Variants in NOMO1 observed in about 807,000 individuals in gnomAD.
NOMO1 encodes the protein NODAL modulator 1.
Under a neutral mutation model 133.8 loss-of-function variants are expected in NOMO1, and 40 were observed. The ratio of observed to expected loss-of-function variants is 0.30; its 90% CI spans 0.23 to 0.39. The LOEUF is 0.39. NOMO1 is among the 10% of genes least tolerant of loss of function. The pLI is 1.00. For synonymous variants in NOMO1, 236 were observed against 570.5 expected, an observed-to-expected ratio of 0.41 and a Z score of 8.36; for missense variants, 462 against 1,419.9, an observed-to-expected ratio of 0.33 and a Z score of 10.84.
intron 12 of NOMO1, 38 bp from the exon 13 acceptor site, chr16:14,864,547 C>A: frequency 6.2e-7 from 1 of 1,612,960 alleles, no homozygotes. Context: ...AAGATCTCCC[C>A]GAATGCAGCC....
chr16:14,887,737 A>G (rs1215958185), intron 28 of NOMO1, among the ~76,000 whole-genome samples: 2 of 152,120 alleles, frequency 1.3e-5, no homozygotes, highest in African/African-American at 4.8e-5. Flanking sequence ...CCTGCTAAGA[A>G]GTCCACTTTT....
chr16:14,877,751 T>C (rs1372619316), intron 22 of NOMO1, among the ~76,000 whole-genome samples: 1 of 147,074 alleles, frequency 6.8e-6, no homozygotes, highest in East Asian at 2.1e-4. Flanking sequence ...ATTAAGACAA[T>C]CTCTATTTTT....
intron 2 of NOMO1, among the ~76,000 whole-genome samples, chr16:14,839,181 A>G (rs1221875001): frequency 1.3e-5 from 2 of 151,624 alleles, no homozygotes; most frequent in African/African-American, 4.9e-5. Flanking sequence ...CAGCCTCCCA[A>G]ATAGCTGGGA....
chr16:14,859,748 AGAC>A (rs1453043087), intron 11 of NOMO1, among the ~76,000 whole-genome samples: 1 of 152,186 alleles, frequency 6.6e-6, no homozygotes, highest in Non-Finnish European at 1.5e-5. Flanking sequence ...TTTTAAAAAA[AGAC>A]AAGACAAATA....
chr16:14,860,218 G>A (rs1353522238), intron 11 of NOMO1, among the ~76,000 whole-genome samples: 5 of 151,954 alleles, frequency 3.3e-5, no homozygotes, highest in Admixed American at 1.3e-4. Flanking sequence ...GATACAAAAG[G>A]TTGGCGGGGC....
chr16:14,854,326 G>C (rs1487901524), intron 9 of NOMO1, among the ~76,000 whole-genome samples: 4 of 136,794 alleles, frequency 2.9e-5, no homozygotes, highest in Non-Finnish European at 6.3e-5. Flanking sequence ...TGTCCCTGTG[G>C]ACCTCATTTT....
chr16:14,858,715 G>A (rs970398417), intron 11 of NOMO1, among the ~76,000 whole-genome samples: 45 of 152,230 alleles, frequency 3.0e-4, no homozygotes, highest in Non-Finnish European at 4.3e-4. Context: ...TGGGGCCAAC[G>A]GGCCATGAGT....
chr16:14,856,821 G>T (rs1963844697), intron 9 of NOMO1, among the ~76,000 whole-genome samples: 1 of 151,920 alleles, frequency 6.6e-6, no homozygotes, highest in African/African-American at 2.4e-5. Flanking sequence ...CTGGAGGAGC[G>T]GGGCGGGGCA....
chr16:14,844,280 C>A (rs1342085163), intron 3 of NOMO1, among the ~76,000 whole-genome samples: 1 of 151,952 alleles, frequency 6.6e-6, no homozygotes, highest in Non-Finnish European at 1.5e-5. Context: ...CTGCCTGTCT[C>A]TTAAGATAAT....
intron 29 of NOMO1, among the ~76,000 whole-genome samples, chr16:14,891,397 T>C (rs1241710092): frequency 6.6e-6 from 1 of 151,898 alleles, no homozygotes; most frequent in Non-Finnish European, 1.5e-5. Flanking sequence ...TTGTCATTTA[T>C]CTTTTCACTT....
intron 5 of NOMO1, 131 bp downstream of exon 5, chr16:14,846,814 A>C (rs896057206): frequency 1.9e-6 from 3 of 1,565,066 alleles, no homozygotes; most frequent in Admixed American, 3.6e-5. Context: ...GGGTGAGTTC[A>C]TGCCCGTCAG....
intron 16 of NOMO1, among the ~76,000 whole-genome samples, chr16:14,869,840 G>A (rs1259953431): frequency 6.9e-6 from 1 of 144,016 alleles, no homozygotes; most frequent in Non-Finnish European, 1.5e-5. Flanking sequence ...CAGAGGCTGT[G>A]TCGTTTGATA....
At chr16:14,839,278 A>G (rs910770656) in intron 2 of NOMO1, among the ~76,000 whole-genome samples, 2 of 151,526 alleles carry the variant, frequency 1.3e-5, no homozygotes, top group Non-Finnish European at 2.9e-5. Context: ...CTGGTCTCGA[A>G]CTCCTGACCT....
Position 14,871,605 on chromosome 16 carries a change from G to A in NOMO1, c.1895-16G>A. On this transcript the variant is annotated splice_polypyrimidine_tract_variant and intron_variant, in intron 16 of 30. Coordinates refer to ENST00000287667, the MANE Select transcript of NOMO1 (RefSeq NM_014287.4). Reference sequence around the variant, plus strand: ...ATGCCATTCTCTGAAAATTACTTTTGATTTCCTGTCTGTAGGTGTGTACAA... The same window carrying A: ...ATGCCATTCTCTGAAAATTACTTTTAATTTCCTGTCTGTAGGTGTGTACAA... 6.2e-7 allele frequency: 1 copy of A among 1,610,912 alleles called. No homozygotes were observed. The highest frequency in any genetic ancestry group is 8.5e-7 in the Non-Finnish European group (1 of 1,179,470).
chr16:14,846,555 C>G, intron 4 of NOMO1, 22 bp from the exon 5 acceptor site: 1 of 769,286 alleles, frequency 1.3e-6, no homozygotes, highest in Non-Finnish European at 2.1e-6. Flanking sequence ...TGGGTGGGCC[C>G]TAACTTTCTT....
chr16:14,841,851 G>A (rs1219291578), intron 3 of NOMO1, among the ~76,000 whole-genome samples: 5 of 151,498 alleles, frequency 3.3e-5, no homozygotes, highest in African/African-American at 1.2e-4. Flanking sequence ...TGAGAAGACT[G>A]TCAGCCTTAT....
intron 22 of NOMO1, among the ~76,000 whole-genome samples, chr16:14,877,890 G>T (rs1359455199): frequency 3.9e-5 from 2 of 51,714 alleles, no homozygotes; most frequent in Non-Finnish European, 4.3e-5. Context: ...CTACTTCTAG[G>T]AATGGATTGT....
chr16:14,845,559 A>G (rs1362939128), intron 4 of NOMO1, among the ~76,000 whole-genome samples: 1 of 151,922 alleles, frequency 6.6e-6, no homozygotes, highest in East Asian at 1.9e-4. Flanking sequence ...TAGAGTCCTA[A>G]TGGGTGTGTG....
intron 17 of NOMO1, among the ~76,000 whole-genome samples, 165 bp from the exon 18 acceptor site, chr16:14,872,069 T>G (rs1432793662): frequency 1.3e-5 from 2 of 151,980 alleles, no homozygotes; most frequent in East Asian, 3.9e-4. Flanking sequence ...GGAGAATTAG[T>G]TTACTCTTTA....
Sources: allele counts gnomAD v4.1 joint callset (sites outside exome capture counted in the v4.1 genomes callset), GRCh38; gene constraint gnomAD v4.1.1; transcripts MANE v1.5; gene names NCBI Gene and HGNC (gene_info 2026-07-23, HGNC 2026-07-21).